The following KIF1B variants were observed in gnomAD, a reference collection of about 807,000 sequenced individuals.
KIF1B encodes the protein kinesin-like protein KIF1B.
Under a neutral mutation model 241.9 loss-of-function variants are expected in KIF1B, and 76 were observed. The observed-to-expected ratio is 0.31, with a 90% CI of 0.26 to 0.38. The LOEUF is 0.38. Ranked by LOEUF, KIF1B falls within the 10% of genes least tolerant of loss-of-function variation. The pLI, the probability that KIF1B is intolerant of heterozygous loss-of-function variation, is 1.00. For synonymous variants in KIF1B, 750 were observed against 796.7 expected (o/e 0.94, Z 0.99); for missense variants, 1,622 against 2,271.4 (o/e 0.71, Z 5.81).
chr1:10,378,554 C>T lies in KIF1B; in HGVS notation c.*1967C>T, dbSNP rs1638946387. On this transcript the variant is annotated 3_prime_UTR_variant, in exon 49 of 49. Coordinates refer to ENST00000676179, the MANE Select transcript of KIF1B (RefSeq NM_001365951.3). Reference sequence around the variant, plus strand: ...AGGCATTCAGGAAAGTATCTGCTCACTCCCACTTGGTGAGTCCTCGGCCTT... The same window carrying T: ...AGGCATTCAGGAAAGTATCTGCTCATTCCCACTTGGTGAGTCCTCGGCCTT... 1.5e-6 allele frequency: 1 copy of T among 662,324 alleles called. No individual in the cohort carries two copies. The highest frequency in any genetic ancestry group is 2.8e-6 in the Non-Finnish European group (1 of 360,888). 41.0% of individuals were successfully genotyped at this position (662,324 alleles called of 1,614,324 possible). A position where few individuals can be genotyped will look rare whatever the true frequency, so the allele number is the denominator to read the frequency against.
At chr1:10,290,858 G>C (rs1377119749) in intron 15 of KIF1B, among the ~76,000 whole-genome samples, 1 of 150,196 alleles carries the variant, frequency 6.7e-6, no homozygotes, top group African/African-American at 2.4e-5. Context: ...GGAAGACTCC[G>C]TCTCAAAAAA....
Position 10,332,706 on chromosome 1 carries a change from G to A in KIF1B, c.2925-1814G>A, listed in dbSNP as rs573798770. On this transcript the variant is annotated intron_variant, in intron 27 of 48. Transcript: ENST00000676179. Reference sequence around the variant, plus strand: ...AATTTTTTGTATTTTTTGTAGAGACGGAGTTTCACCGTGTTAGCCAGGATG... The same window carrying A: ...AATTTTTTGTATTTTTTGTAGAGACAGAGTTTCACCGTGTTAGCCAGGATG... Among the ~76,000 whole-genome samples, 19 of 151,144 alleles carry A rather than the reference G, an allele frequency of 1.3e-4. 1 individual carries two copies. The highest frequency in any genetic ancestry group is 3.9e-4 in the African/African-American group (16 of 41,216).
chr1:10,332,301 G>T (rs1465649481), intron 27 of KIF1B, among the ~76,000 whole-genome samples: 2 of 151,736 alleles, frequency 1.3e-5, no homozygotes, highest in Non-Finnish European at 2.9e-5. Context: ...CCTGACCTCA[G>T]GTGACCCGCC....
At chr1:10,310,449 T>C (rs1651017781) in intron 22 of KIF1B, among the ~76,000 whole-genome samples, 4 of 151,590 alleles carry the variant, frequency 2.6e-5, no homozygotes, top group Admixed American at 2.6e-4. Context: ...TGTGGTCTTT[T>C]TTGTGAAACT....
At chr1:10,296,555 A>C (rs1448296267) in intron 19 of KIF1B, 27 bp from the exon 20 acceptor site, 1 of 1,566,888 alleles carries the variant, frequency 6.4e-7, no homozygotes, top group Admixed American at 1.7e-5. Context: ...TGTAATGATA[A>C]CATTAGTTTG....
chr1:10,254,080 A>G (rs1647619814), intron 2 of KIF1B, among the ~76,000 whole-genome samples: 1 of 152,214 alleles, frequency 6.6e-6, no homozygotes, highest in Non-Finnish European at 1.5e-5. Context: ...AGGAGATTTC[A>G]TGACCACATG....
Position 10,289,687 on chromosome 1 carries a change from C to T in KIF1B, c.1435-1395C>T, listed in dbSNP as rs572190205. The stretch of plus-strand genomic sequence containing the variant: ...TCACCTGAGGTCAGGAGTTCAAGAC[C>T]AGCCTGACCAATATGGTGAAACCTC... On this transcript the variant is annotated intron_variant, in intron 15 of 48. Coordinates refer to ENST00000676179, the MANE Select transcript of KIF1B (RefSeq NM_001365951.3). Among the ~76,000 whole-genome samples the T allele has an allele frequency of 5.3e-5, 8 of 152,236 alleles. No homozygotes were observed. The East Asian group carries it at 1.5e-3, about 29-fold the overall frequency.
chr1:10,254,593 A>G (rs180850272), intron 2 of KIF1B, among the ~76,000 whole-genome samples: 1 of 152,252 alleles, frequency 6.6e-6, no homozygotes, highest in Admixed American at 6.5e-5. Context: ...AAGAGCTTTC[A>G]TGGCCAGGCG....
At chr1:10,235,257 T>C (rs1647035803) in intron 2 of KIF1B, among the ~76,000 whole-genome samples, 1 of 152,130 alleles carries the variant, frequency 6.6e-6, no homozygotes, top group Non-Finnish European at 1.5e-5. Flanking sequence ...ATTATTATTT[T>C]ATTTTATTTT....
intron 37 of KIF1B, 60 bp downstream of exon 37, chr1:10,348,793 TGA>T: frequency 8.5e-7 from 1 of 1,179,748 alleles, no homozygotes; most frequent in Non-Finnish European, 1.3e-6. Context: ...TTTTTTTTTT[TGA>T]GATAGGGTCT....
intron 31 of KIF1B, among the ~76,000 whole-genome samples, chr1:10,338,320 CTT>C (rs2102317398): frequency 6.6e-6 from 1 of 152,160 alleles, no homozygotes; most frequent in South Asian, 2.1e-4. Flanking sequence ...GTTTATAAAG[CTT>C]TTGTATAGGT....
In KIF1B at chr1:10,374,244, C is replaced by T. The variant is rs1408571023; in HGVS notation, c.4947-72C>T. ...GGCCATTGTGTTCCTCCCAGTGAAA[C>T]AGTACTCAGTATGCCTTGATTGTAA... On this transcript the variant is annotated intron_variant, in intron 45 of 48. Coordinates refer to ENST00000676179, the MANE Select transcript of KIF1B (RefSeq NM_001365951.3). The surrounding 1 kb of genome is among the most constrained non-coding windows in gnomAD (Gnocchi z 4.3). 2 of 1,498,590 alleles carry T rather than the reference C, an allele frequency of 1.3e-6. No homozygotes were observed. The highest frequency in any genetic ancestry group is 2.8e-5 in the African/African-American group (2 of 72,588). The allele number at this position is 1,498,590 out of a possible 1,614,324, so 92.8% of individuals were successfully genotyped here. A position where few individuals can be genotyped will look rare whatever the true frequency, so the allele number is the denominator to read the frequency against.
chr1:10,326,198 T>A lies in KIF1B; in HGVS notation c.2763T>A (p.Thr921=). The A allele has an allele frequency of 6.2e-7, 1 of 1,614,138 alleles. No homozygotes were observed. Among genetic ancestry groups the A allele is most frequent in the Non-Finnish European group, 8.5e-7 (1 of 1,180,018 alleles). The change falls in exon 27 of 49, where the codon ACT becomes ACA. Residue 921 remains threonine, a synonymous_variant. Transcript: ENST00000676179. The surrounding 1 kb of genome is among the most constrained non-coding windows in gnomAD (Gnocchi z 5.2). ...TTTCCACGGCCGATTCCGACATCAC[T>A]GAGCTGGCTGACGAGCAGCAAGATG... ...PTFSTADSDI[T]ELADEQQDEM... is the part of the protein sequence containing the mutation.
rs376310555 is a variant in KIF1B, at chr1:10,270,955, AT to A, written c.721-546del. ...AAAAAAAAAAAAGGAAAGAAAATAA[AT>A]GTCAAATTGTTTTCCAAAGTGATTG... On this transcript the variant is annotated intron_variant, in intron 7 of 48. Coordinates refer to ENST00000676179, the MANE Select transcript of KIF1B (RefSeq NM_001365951.3). Among the ~76,000 whole-genome samples, 459 of 151,684 alleles carry A rather than the reference AT, an allele frequency of 3.0e-3. 4 individuals carry two copies. In the Middle Eastern group the frequency reaches 0.034, roughly 11 times the overall value.
chr1:10,368,935 G>A (rs1029744197), intron 44 of KIF1B, among the ~76,000 whole-genome samples: 2 of 152,214 alleles, frequency 1.3e-5, no homozygotes, highest in Non-Finnish European at 2.9e-5. Flanking sequence ...GAGAATTTCT[G>A]TGTTATTCAC....
At chr1:10,341,788 G>A (rs543367575) in intron 32 of KIF1B, among the ~76,000 whole-genome samples, 1 of 152,100 alleles carries the variant, frequency 6.6e-6, no homozygotes, top group Admixed American at 6.5e-5. Flanking sequence ...GGGAAACATA[G>A]TGAGATACTG....
chr1:10,303,788 G>A lies in KIF1B; in HGVS notation c.2115+6542G>A, dbSNP rs778879234. 6.2e-7 allele frequency: 1 copy of A among 1,614,206 alleles called. No individual in the cohort carries two copies. On this transcript the variant is annotated intron_variant, in intron 22 of 48. Transcript: ENST00000676179. The surrounding 1 kb of genome is among the most constrained non-coding windows in gnomAD (Gnocchi z 5.2). The stretch of plus-strand genomic sequence containing the variant: ...CTGATCGGATCTCAGGAACAGAAAA[G>A]CCCAGGAAGCCACAAAGCAAAGGAG...
At chr1:10,231,378 C>CTTTTT (rs35213507) in intron 1 of KIF1B, among the ~76,000 whole-genome samples, 903 of 85,680 alleles carry the variant, frequency 0.011, 5 homozygotes, top group African/African-American at 0.015. Flanking sequence ...GTTCAGTGCC[C>CTTTTT]TTTTTTTTTT....
At chr1:10,215,582 A>G (rs541517813) in intron 1 of KIF1B, among the ~76,000 whole-genome samples, 18 of 143,428 alleles carry the variant, frequency 1.3e-4, no homozygotes, top group Middle Eastern at 4.2e-3. Context: ...CTCTTACTCT[A>G]TTGCCCAGGC....
Sources: gnomAD v4.1 joint callset for allele counts (sites outside exome capture counted in the v4.1 genomes callset) on GRCh38, gnomAD v4.1.1 for gene constraint, Gnocchi (gnomAD v3.1) non-coding constraint, MANE v1.5 for transcripts, NCBI Gene and HGNC (gene_info 2026-07-23, HGNC 2026-07-21) for gene names.